The following SLC41A2 variants were observed in gnomAD, a reference collection of about 807,000 sequenced individuals.
The protein encoded by SLC41A2 is solute carrier family 41 member 2.
Under a neutral mutation model 58.3 loss-of-function variants are expected in SLC41A2, and 32 were observed. That is an observed-to-expected ratio of 0.55 (90% CI 0.41 to 0.74). SLC41A2 has a LOEUF of 0.74. Ranked by LOEUF, SLC41A2 falls within the 30% of genes least tolerant of loss-of-function variation. SLC41A2 has a pLI of 0.00. For synonymous variants in SLC41A2, 190 were observed against 235.0 expected (o/e 0.81, Z 1.75); for missense variants, 514 against 680.6 (o/e 0.76, Z 2.72).
chr12:104,863,304 G>T (rs2043280523), intron 7 of SLC41A2, among the ~76,000 whole-genome samples: 1 of 152,072 alleles, frequency 6.6e-6, no homozygotes, highest in Non-Finnish European at 1.5e-5. Flanking sequence ...CTGGGTGGGT[G>T]CATGCCTGTA....
At chr12:104,820,627 G>A (rs1404097232) in intron 10 of SLC41A2, among the ~76,000 whole-genome samples, 2 of 152,046 alleles carry the variant, frequency 1.3e-5, no homozygotes, top group Non-Finnish European at 2.9e-5. Context: ...TATGCACATA[G>A]TTATTTAATG....
chr12:104,855,870 T>C (rs1357887219), intron 8 of SLC41A2, among the ~76,000 whole-genome samples: 3 of 152,170 alleles, frequency 2.0e-5, no homozygotes, highest in Non-Finnish European at 4.4e-5. Flanking sequence ...AAAGGGCAGG[T>C]TTGCGGGGAA....
At chr12:104,838,389 G>C (rs2042285392) in intron 10 of SLC41A2, among the ~76,000 whole-genome samples, 1 of 152,160 alleles carries the variant, frequency 6.6e-6, no homozygotes, top group Non-Finnish European at 1.5e-5. Context: ...GCATTTATCT[G>C]GGCTTGGGCT....
At chr12:104,895,694 A>G (rs1035953707) in intron 3 of SLC41A2, among the ~76,000 whole-genome samples, 1 of 152,166 alleles carries the variant, frequency 6.6e-6, no homozygotes, top group African/African-American at 2.4e-5. Context: ...AAATAATTAC[A>G]TAACTTTGAT....
At chr12:104,884,463 CCATCTTGGAACT>C (rs1255127115) in intron 6 of SLC41A2, among the ~76,000 whole-genome samples, 1 of 152,128 alleles carries the variant, frequency 6.6e-6, no homozygotes, top group Non-Finnish European at 1.5e-5. Flanking sequence ...TCATATTTGG[CCATCTTGGAACT>C]GTATACCTGT....
In SLC41A2 at chr12:104,822,693, TA is replaced by T. The variant is rs367845995; in HGVS notation, c.1537-17357del. 5.5e-4 allele frequency among the ~76,000 whole-genome samples: 83 copies of T among 152,210 alleles called. 1 individual carries two copies. The highest frequency in any genetic ancestry group is 2.0e-3 in the African/African-American group (82 of 41,528). On this transcript the variant is annotated intron_variant, in intron 10 of 10. Coordinates refer to ENST00000258538, the MANE Select transcript of SLC41A2 (RefSeq NM_001352171.3). The stretch of plus-strand genomic sequence containing the variant: ...TCAGTATAGAGACCTATTTCTTAAG[TA>T]GGGGACATATGGTCTCAGAAAACAG...
At chr12:104,849,599 A>G (rs1358920568) in intron 8 of SLC41A2, among the ~76,000 whole-genome samples, 1 of 152,172 alleles carries the variant, frequency 6.6e-6, no homozygotes, top group Non-Finnish European at 1.5e-5. Flanking sequence ...AAACTGAGGC[A>G]GGAGAATCGC....
chr12:104,805,275 G>C lies in SLC41A2; in HGVS notation c.1599C>G (p.Asp533Glu). 1 of 1,613,816 alleles carries C rather than the reference G, an allele frequency of 6.2e-7. No individual in the cohort carries two copies. The highest frequency in any genetic ancestry group is 8.5e-7 in the Non-Finnish European group (1 of 1,179,832). The change falls in exon 11 of 11, where the codon GAC becomes GAG. Residue 533 changes from aspartate (D) to glutamate (E), a missense_variant. Asp to Glu is a conservative substitution (Grantham distance 45). Transcript: ENST00000258538. Reference protein sequence around the residue: ...MVHHFWRKGKDPDSFSIPYLT... With the variant: ...MVHHFWRKGKEPDSFSIPYLT... The stretch of plus-strand genomic sequence containing the variant: ...GGTAGGGGATGGAGAAACTATCCGG[G>C]TCCTTTCCTTTCCTCCAGAAGTGAT...
At chr12:104,869,657 C>T (rs1034736776) in intron 6 of SLC41A2, among the ~76,000 whole-genome samples, 3 of 152,146 alleles carry the variant, frequency 2.0e-5, no homozygotes, top group Non-Finnish European at 4.4e-5. Context: ...CCATTCCCAC[C>T]AAATTAGACC....
chr12:104,858,936 C>T (rs2136410681), intron 8 of SLC41A2, among the ~76,000 whole-genome samples: 1 of 152,214 alleles, frequency 6.6e-6, no homozygotes, highest in East Asian at 1.9e-4. Flanking sequence ...GCATTAAAGC[C>T]TTATAATAAA....
At chr12:104,933,531 A>G (rs1308645464) in intron 1 of SLC41A2, among the ~76,000 whole-genome samples, 1 of 152,192 alleles carries the variant, frequency 6.6e-6, no homozygotes, top group African/African-American at 2.4e-5. Flanking sequence ...ACTACTGAGT[A>G]TCTACCCAAA....
chr12:104,944,662 T>C (rs2047641857), intron 1 of SLC41A2, among the ~76,000 whole-genome samples: 1 of 152,078 alleles, frequency 6.6e-6, no homozygotes, highest in South Asian at 2.1e-4. Flanking sequence ...TTCTGGAGGG[T>C]TCTAAGCCCA....
rs961750308 is a variant in SLC41A2, at chr12:104,928,473, T to C, written c.55A>G (p.Ser19Gly). 1.3e-6 allele frequency: 2 copies of C among 1,542,492 alleles called. No homozygotes were observed. Among genetic ancestry groups the C allele is most frequent in the Admixed American group, 2.1e-5 (1 of 48,406 alleles). ...GTCCAATCTACAAAACCTCCTCCAC[T>C]ACTTGGACCACCACTTGTTTTATCG... ...ITDKTSGGPS[S>G]GGGFVDWTLR... is the part of the protein sequence containing the mutation. The change falls in exon 2 of 11, where the codon AGT (serine) becomes GGT (glycine). Residue 19 changes from serine (S) to glycine (G), a missense_variant. This residue lies in a region of SLC41A2 where 336 missense variants were observed against 430.0 expected (regional missense o/e 0.78). Coordinates refer to ENST00000258538, the MANE Select transcript of SLC41A2 (RefSeq NM_001352171.3).
At chr12:104,810,300 T>C (rs2041115004) in intron 10 of SLC41A2, among the ~76,000 whole-genome samples, 1 of 152,082 alleles carries the variant, frequency 6.6e-6, no homozygotes. Flanking sequence ...AATTTGCTGA[T>C]TGAATAAGTA....
intron 6 of SLC41A2, among the ~76,000 whole-genome samples, chr12:104,871,573 T>C (rs1466154280): frequency 6.6e-6 from 1 of 152,232 alleles, no homozygotes; most frequent in Admixed American, 6.5e-5. Flanking sequence ...TATTTTTCTA[T>C]AGTGGTACTA....
chr12:104,940,504 CAAAAAAAT>C (rs1404060827), intron 1 of SLC41A2, among the ~76,000 whole-genome samples: 5 of 120,356 alleles, frequency 4.2e-5, no homozygotes, highest in Non-Finnish European at 8.7e-5. Flanking sequence ...TAATAAAAAA[CAAAAAAAT>C]AAAAAAATAA....
chr12:104,848,723 G>T (rs1420019245), intron 8 of SLC41A2, among the ~76,000 whole-genome samples: 1 of 152,060 alleles, frequency 6.6e-6, no homozygotes, highest in African/African-American at 2.4e-5. Flanking sequence ...AGGAATGCAA[G>T]ACTGATTTAA....
At chr12:104,876,550 CAT>C (rs754255710) in intron 6 of SLC41A2, among the ~76,000 whole-genome samples, 130 of 152,140 alleles carry the variant, frequency 8.5e-4, no homozygotes, top group Non-Finnish European at 1.6e-3. Context: ...TTAATTTCCA[CAT>C]GTTTTTGAAT....
chr12:104,941,331 T>C (rs1055366271), intron 1 of SLC41A2, among the ~76,000 whole-genome samples: 5 of 152,202 alleles, frequency 3.3e-5, no homozygotes, highest in African/African-American at 1.2e-4. Context: ...AGTTTCTACA[T>C]GACTAAACAT....
Sources: allele counts gnomAD v4.1 joint callset (sites outside exome capture counted in the v4.1 genomes callset), GRCh38; gene constraint gnomAD v4.1.1; regional missense constraint gnomAD v4.1.1; transcripts MANE v1.5; gene names NCBI Gene and HGNC (gene_info 2026-07-23, HGNC 2026-07-21).